The following DNAH12 variants were observed in gnomAD, a reference collection of about 807,000 sequenced individuals.
The protein encoded by DNAH12 is dynein axonemal heavy chain 12, also known as axonemal beta dynein heavy chain 12.
DNAH12 carries 285 observed loss-of-function variants against 371.5 expected under a neutral mutation model. That is an observed-to-expected ratio of 0.77 (90% CI 0.70 to 0.85). The LOEUF (loss-of-function observed/expected upper bound fraction) is 0.85. DNAH12 is among the 40% of genes least tolerant of loss of function. The pLI, the probability that DNAH12 is intolerant of heterozygous loss-of-function variation, is 0.00. For synonymous variants in DNAH12, 1,200 were observed against 1,213.0 expected (o/e 0.99, Z 0.22); for missense variants, 3,611 against 3,689.4 (o/e 0.98, Z 0.55).
chr3:57,550,348 T>A, the DNAH12 span, among the ~76,000 whole-genome samples: 19 of 151,984 alleles, frequency 1.3e-4, no homozygotes, highest in African/African-American at 4.1e-4. Context: ...AAACAATGAA[T>A]AAATAAATAT....
At chr3:57,423,501 A>G (rs966072676) in intron 35 of DNAH12, among the ~76,000 whole-genome samples, 2 of 152,300 alleles carry the variant, frequency 1.3e-5, no homozygotes, top group East Asian at 3.9e-4. Flanking sequence ...GGTTAGCAGG[A>G]AACCCTGGAA....
intron 25 of DNAH12, among the ~76,000 whole-genome samples, chr3:57,450,069 G>A (rs141193483): frequency 0.1 from 15,859 of 152,176 alleles, 993 homozygotes; most frequent in South Asian, 0.15. Flanking sequence ...CCAACATGGT[G>A]AAACCCTGTC....
intron 8 of DNAH12, among the ~76,000 whole-genome samples, chr3:57,505,422 T>G (rs373223778): frequency 2.6e-5 from 4 of 151,796 alleles, no homozygotes; most frequent in African/African-American, 9.7e-5. Flanking sequence ...CCTAATTTTG[T>G]TTTTGGTTTT....
chr3:57,462,929 T>C (rs1245084916), intron 17 of DNAH12, 54 bp from the exon 18 acceptor site: 1 of 1,194,242 alleles, frequency 8.4e-7, no homozygotes, highest in Non-Finnish European at 1.2e-6. Context: ...TCCACACACA[T>C]AGATTCCATA....
At chr3:57,519,096 T>C (rs73080588) in intron 4 of DNAH12, among the ~76,000 whole-genome samples, 17,767 of 152,290 alleles carry the variant, frequency 0.12, 1,281 homozygotes, top group South Asian at 0.21. Flanking sequence ...GCCATCCTAA[T>C]AGGTATGTAG....
chr3:57,548,359 T>G (rs2069594731), upstream of DNAH12, among the ~76,000 whole-genome samples: 1 of 152,150 alleles, frequency 6.6e-6, no homozygotes, highest in Non-Finnish European at 1.5e-5. Context: ...AATTTAGAAT[T>G]TGAAATTTGA....
intron 25 of DNAH12, among the ~76,000 whole-genome samples, chr3:57,448,315 T>TG (rs1304847806): frequency 6.6e-6 from 1 of 151,764 alleles, no homozygotes; most frequent in Admixed American, 6.6e-5. Flanking sequence ...TCACAGTGAG[T>TG]GTTACAGCTC....
intron 65 of DNAH12, among the ~76,000 whole-genome samples, chr3:57,316,575 T>A (rs934411586): frequency 6.6e-6 from 1 of 152,102 alleles, no homozygotes; most frequent in African/African-American, 2.4e-5. Context: ...ACGACTGATA[T>A]CGTTTGGCTC....
intron 25 of DNAH12, 83 bp downstream of exon 25, chr3:57,452,760 T>A: frequency 7.9e-7 from 1 of 1,264,602 alleles, no homozygotes; most frequent in South Asian, 1.6e-5. Context: ...ATTCAACTAC[T>A]CCAGGTAAGA....
chr3:57,425,002 A>G lies in DNAH12; in HGVS notation c.5373+20T>C. 1 of 695,140 alleles carries G rather than the reference A, an allele frequency of 1.4e-6. No homozygotes were observed. Among genetic ancestry groups the G allele is most frequent in the East Asian group, 2.7e-5 (1 of 37,206 alleles). The allele number at this position is 695,140 out of a possible 1,614,324, so 43.1% of individuals were successfully genotyped here. A position where few individuals can be genotyped will look rare whatever the true frequency, so the allele number is the denominator to read the frequency against. Reference sequence around the variant, plus strand: ...CATAATTTATTTATAATTAAAAACTACATGAAGTATAAAACCAACCATAAT... The same window carrying G: ...CATAATTTATTTATAATTAAAAACTGCATGAAGTATAAAACCAACCATAAT... On this transcript the variant is annotated intron_variant, in intron 35 of 73. Transcript: ENST00000495027.
intron 11 of DNAH12, among the ~76,000 whole-genome samples, chr3:57,491,343 T>C (rs984185783): frequency 4.6e-5 from 7 of 152,050 alleles, no homozygotes; most frequent in African/African-American, 7.2e-5. Context: ...AAAGTTATAA[T>C]TGGGGAGAGG....
At chr3:57,478,926 G>A (rs1224677470) in intron 13 of DNAH12, among the ~76,000 whole-genome samples, 35 of 152,156 alleles carry the variant, frequency 2.3e-4, no homozygotes, top group South Asian at 1.5e-3. Context: ...TGAAGGAAGC[G>A]CTAAACATGG....
chr3:57,333,329 C>CCTTTTTTTGTTTTTTTTTTTTTTTTT (rs2062147658), intron 62 of DNAH12, among the ~76,000 whole-genome samples: 1 of 111,114 alleles, frequency 9.0e-6, no homozygotes, highest in African/African-American at 4.6e-5. Flanking sequence ...TTTAAGGCAA[C>CCTTTTTTTGTTTTTTTTTTTTTTTTT]TTTTTTTTTT....
intron 25 of DNAH12, among the ~76,000 whole-genome samples, chr3:57,450,251 A>T (rs555262470): frequency 1.8e-4 from 4 of 22,272 alleles, no homozygotes; most frequent in East Asian, 6.7e-4. Flanking sequence ...GTCTCAATTT[A>T]AAAAAAAAAA....
rs1456432329 is a variant in DNAH12, at chr3:57,309,661, A to G, written c.11085+5T>C. 1.3e-6 allele frequency: 2 copies of G among 1,499,728 alleles called. No homozygotes were observed. The highest frequency in any genetic ancestry group is 1.3e-5 in the South Asian group (1 of 74,086). The allele number at this position is 1,499,728 out of a possible 1,614,324, so 92.9% of individuals were successfully genotyped here. A position where few individuals can be genotyped will look rare whatever the true frequency, so the allele number is the denominator to read the frequency against. ...ATAAGTAACATATTTTAAGCTGAAC[A>G]TTACCTTGTTGAGGATATCTTTGGT... On this transcript the variant is annotated splice_donor_5th_base_variant and intron_variant, in intron 68 of 73. Coordinates refer to ENST00000495027, the MANE Select transcript of DNAH12 (RefSeq NM_001366028.2).
chr3:57,314,130 G>A (rs973519699), intron 66 of DNAH12, among the ~76,000 whole-genome samples: 2 of 152,178 alleles, frequency 1.3e-5, no homozygotes, highest in African/African-American at 4.8e-5. Flanking sequence ...GAGGAAAGTA[G>A]AGGATAGTGG....
chr3:57,511,022 C>A (rs2067978904), intron 4 of DNAH12, 43 bp from the exon 5 acceptor site: 3 of 1,469,798 alleles, frequency 2.0e-6, no homozygotes, highest in Non-Finnish European at 2.7e-6. Flanking sequence ...ATGGTTGTAT[C>A]ATTTCAGTGT....
chr3:57,390,424 A>AAAAAATATATATAT, intron 45 of DNAH12, among the ~76,000 whole-genome samples: 1 of 33,422 alleles, frequency 3.0e-5, no homozygotes, highest in African/African-American at 6.3e-5. Flanking sequence ...AAAAAAAAAA[A>AAAAAATATATATAT]ATATATATAT....
chr3:57,553,492 G>C, the DNAH12 span, among the ~76,000 whole-genome samples: 159 of 152,250 alleles, frequency 1.0e-3, 3 homozygotes, highest in East Asian at 7.7e-3. Context: ...TTGCGCCAGG[G>C]AGGACAGGGC....
Sources: allele counts gnomAD v4.1 joint callset (sites outside exome capture counted in the v4.1 genomes callset), GRCh38; gene constraint gnomAD v4.1.1; transcripts MANE v1.5; gene names NCBI Gene and HGNC (gene_info 2026-07-23, HGNC 2026-07-21).